The following SLC39A11 variants were observed in gnomAD, a reference collection of about 807,000 sequenced individuals.
SLC39A11 encodes zinc transporter ZIP11.
A neutral mutation model predicts 36.1 loss-of-function variants in SLC39A11; 33 were observed. That is an observed-to-expected ratio of 0.91 (90% confidence interval 0.69 to 1.22). The LOEUF (loss-of-function observed/expected upper bound fraction) is 1.22, where lower values mean the gene tolerates loss of function less well. Among genes scored for constraint, SLC39A11 ranks in the 50% most tolerant of loss-of-function variants. The probability of loss-of-function intolerance (pLI) is 0.00; values close to 1 mark genes in which losing one functional copy is unlikely to be tolerated. For synonymous variants in SLC39A11, 166 were observed against 170.3 expected, an observed-to-expected ratio of 0.97 and a Z score of 0.20; for missense variants, 432 against 430.3, an observed-to-expected ratio of 1.00 and a Z score of -0.03.
intron 3 of SLC39A11, among the ~76,000 whole-genome samples, chr17:73,049,748 C>T (rs1478524398): frequency 6.6e-6 from 1 of 152,172 alleles, no homozygotes; most frequent in African/African-American, 2.4e-5. Flanking sequence ...GAGGGGCTTC[C>T]ACTCCAGTAA....
At chr17:72,969,537 G>A (rs189594886) in intron 4 of SLC39A11, among the ~76,000 whole-genome samples, 125 of 152,212 alleles carry the variant, frequency 8.2e-4, no homozygotes, top group African/African-American at 2.8e-3. Flanking sequence ...TGGCATTCAC[G>A]TTCCTTCTTG....
At chr17:73,050,323 CAAA>C (rs70938142) in intron 3 of SLC39A11, among the ~76,000 whole-genome samples, 20 of 98,810 alleles carry the variant, frequency 2.0e-4, no homozygotes, top group Non-Finnish European at 3.0e-4. Flanking sequence ...CTGTTTGTGG[CAAA>C]AAAAAAAAAA....
At position 72,881,168 on chromosome 17, in the gene SLC39A11, CAA is replaced by C. The variant is rs563686829; in HGVS notation, c.431-31366_431-31365del. On this transcript the variant is annotated intron_variant, in intron 5 of 9. Coordinates refer to ENST00000255559, the MANE Select transcript of SLC39A11 (RefSeq NM_139177.4). Reference sequence around the variant, plus strand: ...ATTTCACTCCTTGGTATTTATCCCCCAAAAATGACATCATATGTCCACACAAA... The same window carrying C: ...ATTTCACTCCTTGGTATTTATCCCCCAAATGACATCATATGTCCACACAAA... 4.4e-3 allele frequency among the ~76,000 whole-genome samples: 666 copies of C among 152,136 alleles called. 4 individuals carry two copies. The highest frequency in any genetic ancestry group is 0.015 in the African/African-American group (639 of 41,488).
chr17:72,871,902 G>A (rs968748054), intron 5 of SLC39A11, among the ~76,000 whole-genome samples: 2 of 152,156 alleles, frequency 1.3e-5, no homozygotes, highest in Non-Finnish European at 2.9e-5. Context: ...CAATCTTGTG[G>A]GATGTAGCCC....
At chr17:72,883,200 T>C (rs1165135214) in intron 5 of SLC39A11, among the ~76,000 whole-genome samples, 1 of 152,162 alleles carries the variant, frequency 6.6e-6, no homozygotes, top group Non-Finnish European at 1.5e-5. Context: ...GAGTGGAAAG[T>C]GCATAAAACA....
At chr17:72,985,686 T>G (rs1716019271) in intron 4 of SLC39A11, among the ~76,000 whole-genome samples, 1 of 152,178 alleles carries the variant, frequency 6.6e-6, no homozygotes. Flanking sequence ...GTGCTGGGAT[T>G]ACAGGCATGA....
intron 7 of SLC39A11, among the ~76,000 whole-genome samples, chr17:72,704,790 C>T (rs760975205): frequency 4.6e-5 from 7 of 152,144 alleles, no homozygotes; most frequent in Non-Finnish European, 8.8e-5. Flanking sequence ...TAAACTGTGA[C>T]CCTACCCTGA....
At chr17:72,902,499 GAGAAA>G in intron 5 of SLC39A11, among the ~76,000 whole-genome samples, 1 of 152,304 alleles carries the variant, frequency 6.6e-6, no homozygotes, top group Non-Finnish European at 1.5e-5. Flanking sequence ...TGGTCTCCCT[GAGAAA>G]ATAAATCTCT....
At chr17:72,904,239 G>A (rs1479626809) in intron 5 of SLC39A11, among the ~76,000 whole-genome samples, 5 of 152,082 alleles carry the variant, frequency 3.3e-5, no homozygotes, top group Non-Finnish European at 5.9e-5. Context: ...CCAGGAGTTC[G>A]AGAGCAGCCT....
chr17:72,849,679 T>C lies in SLC39A11; in HGVS notation c.556A>G (p.Arg186Gly). 3.1e-6 allele frequency: 5 copies of C among 1,607,516 alleles called. No individual in the cohort carries two copies. The highest frequency in any genetic ancestry group is 4.2e-6 in the Non-Finnish European group (5 of 1,177,326). ...LAQPGGSSWR[R>G]IALLILAITI... ...ATGGCCAAGATGAGCAGTGCGATCC[T>C]CCTCCAGCTGCTGCCGCCGGGCTGT... Residue 186 changes from arginine (R) to glycine (G), a missense_variant, in exon 6 of 10, where the codon AGG (arginine) becomes GGG (glycine). Coordinates refer to ENST00000255559, the MANE Select transcript of SLC39A11 (RefSeq NM_139177.4).
chr17:73,071,804 C>A (rs1223956387), intron 3 of SLC39A11, among the ~76,000 whole-genome samples: 2 of 152,166 alleles, frequency 1.3e-5, no homozygotes, highest in Non-Finnish European at 2.9e-5. Flanking sequence ...TCTTTATTTA[C>A]AAAAACAGGC....
At chr17:72,789,090 A>G (rs1362704528) in intron 6 of SLC39A11, among the ~76,000 whole-genome samples, 1 of 150,832 alleles carries the variant, frequency 6.6e-6, no homozygotes, top group African/African-American at 2.4e-5. Flanking sequence ...ATTGGAATGC[A>G]GTGGCGCAAT....
Position 72,867,455 on chromosome 17 carries a change from G to A in SLC39A11, c.431-17651C>T, listed in dbSNP as rs140364274. 7.5e-3 allele frequency among the ~76,000 whole-genome samples: 1,144 copies of A among 152,190 alleles called. 17 individuals are homozygous for A. The highest frequency in any genetic ancestry group is 0.026 in the African/African-American group (1,096 of 41,502). The stretch of plus-strand genomic sequence containing the variant: ...GCGGAGGTTGCGGTGAGCTGAGATC[G>A]CGCCACTGTACTCCAGCCTGGGCGA... On this transcript the variant is annotated intron_variant, in intron 5 of 9. Coordinates refer to ENST00000255559, the MANE Select transcript of SLC39A11 (RefSeq NM_139177.4).
intron 4 of SLC39A11, among the ~76,000 whole-genome samples, chr17:73,005,565 G>A (rs2090132578): frequency 6.6e-6 from 1 of 152,186 alleles, no homozygotes; most frequent in African/African-American, 2.4e-5. Flanking sequence ...GCACCTTCCT[G>A]TTCTATATGC....
intron 6 of SLC39A11, among the ~76,000 whole-genome samples, chr17:72,794,866 G>A (rs1380208930): frequency 6.6e-6 from 1 of 152,042 alleles, no homozygotes; most frequent in African/African-American, 2.4e-5. Flanking sequence ...ATCTCACACT[G>A]TTTCTGTGGG....
At chr17:72,695,347 G>A (rs1453369657) in intron 7 of SLC39A11, among the ~76,000 whole-genome samples, 6 of 152,172 alleles carry the variant, frequency 3.9e-5, no homozygotes, top group Middle Eastern at 3.2e-3. Flanking sequence ...GCTCATCCAG[G>A]GAATAAGCTC....
At chr17:72,954,026 T>C (rs1532281) in intron 4 of SLC39A11, among the ~76,000 whole-genome samples, 73,534 of 152,042 alleles carry the variant, frequency 0.48, 19,326 homozygotes, top group Middle Eastern at 0.67. Flanking sequence ...TGAAGGGCAG[T>C]CTCTTCGTTT....
intron 7 of SLC39A11, 37 bp from the exon 8 acceptor site, chr17:72,649,305 G>A (rs2069734855): frequency 1.3e-6 from 2 of 1,589,464 alleles, no homozygotes; most frequent in East Asian, 4.5e-5. Context: ...GCTGCTGTCT[G>A]GAATAGGTGC....
chr17:72,682,425 A>G (rs113929311), intron 7 of SLC39A11, among the ~76,000 whole-genome samples: 5,821 of 151,782 alleles, frequency 0.038, 359 homozygotes, highest in African/African-American at 0.13. Flanking sequence ...TGCTATTGGT[A>G]AGGCTTCTGG....
Sources: gnomAD v4.1 joint callset for allele counts (sites outside exome capture counted in the v4.1 genomes callset) on GRCh38, gnomAD v4.1.1 for gene constraint, MANE v1.5 for transcripts, NCBI Gene and HGNC (gene_info 2026-07-23, HGNC 2026-07-21) for gene names.